SLC28A1: variants seen among roughly 807,000 people sequenced by gnomAD.
SLC28A1 encodes solute carrier family 28 member 1.
A neutral mutation model predicts 74.8 loss-of-function variants in SLC28A1; 64 were observed. The ratio of observed to expected loss-of-function variants is 0.86; its 90% CI spans 0.70 to 1.05. SLC28A1 has a LOEUF of 1.05. SLC28A1 is among the 50% of genes least tolerant of loss of function. SLC28A1 has a pLI of 0.00. For missense variants in SLC28A1, 828 were observed against 822.8 expected (o/e 1.01, Z -0.08); for synonymous variants, 359 against 335.0 (o/e 1.07, Z -0.78).
At chr15:84,900,419 A>G (rs1018597257) in intron 6 of SLC28A1, among the ~76,000 whole-genome samples, 6 of 120,104 alleles carry the variant, frequency 5.0e-5, no homozygotes, top group African/African-American at 1.6e-4. Flanking sequence ...AAAAAAAAAA[A>G]AAAAAGAAGA....
the SLC28A1 span, among the ~76,000 whole-genome samples, chr15:84,959,475 CCT>C: frequency 6.6e-6 from 1 of 151,638 alleles, no homozygotes; most frequent in South Asian, 2.1e-4. Flanking sequence ...TTCTGAAACT[CCT>C]TTTTTTTTTG....
At chr15:84,913,892 C>G (rs1448011821) in intron 9 of SLC28A1, among the ~76,000 whole-genome samples, 1 of 152,170 alleles carries the variant, frequency 6.6e-6, no homozygotes, top group Non-Finnish European at 1.5e-5. Flanking sequence ...CCTACTTGGT[C>G]GTCTGTGTCC....
At chr15:84,962,440 T>C in the SLC28A1 span, among the ~76,000 whole-genome samples, 10 of 152,198 alleles carry the variant, frequency 6.6e-5, no homozygotes, top group Middle Eastern at 3.4e-3. Context: ...GGTGGGCCTA[T>C]GATTTTTTGT....
In SLC28A1 at chr15:84,886,158, A is replaced by G. The variant is rs1964578816; in HGVS notation, c.-132-514A>G. ...GTATTCATTTAACAAAGATGAAATG[A>G]AGGGGAAATGGTGTGATTTGGTTTT... is the stretch of plus-strand genomic sequence containing the variant. On this transcript the variant is annotated intron_variant, in intron 1 of 18. Coordinates refer to ENST00000394573, the MANE Select transcript of SLC28A1 (RefSeq NM_004213.5). The G allele has an allele frequency of 5.1e-6, 5 of 985,410 alleles. No individual in the cohort carries two copies. The South Asian group carries it at 2.3e-4, about 46-fold the overall frequency. The allele number at this position is 985,410 out of a possible 1,614,324, so 61.0% of individuals were successfully genotyped here.
chr15:84,908,832 C>A, intron 9 of SLC28A1, 37 bp downstream of exon 9: 1 of 1,554,034 alleles, frequency 6.4e-7, no homozygotes, highest in Non-Finnish European at 8.9e-7. Flanking sequence ...CCTTTAGCAG[C>A]CACCGCCCAG....
At chr15:84,904,061 T>C in intron 6 of SLC28A1, 36 bp from the exon 7 acceptor site, 1 of 1,614,006 alleles carries the variant, frequency 6.2e-7, no homozygotes, top group Non-Finnish European at 8.5e-7. Flanking sequence ...GGGGGTGCAA[T>C]GCTGAGGGTA....
At chr15:84,944,508 A>G in intron 16 of SLC28A1, 58 bp from the exon 17 acceptor site, 1 of 1,203,166 alleles carries the variant, frequency 8.3e-7, no homozygotes, top group Non-Finnish European at 1.2e-6. Context: ...CGAGCTGCGG[A>G]ACGCGGGCAG....
the SLC28A1 span, among the ~76,000 whole-genome samples, chr15:84,950,829 TGTTGAC>T: frequency 6.6e-6 from 1 of 152,190 alleles, no homozygotes. Context: ...AAGAGGGTTC[TGTTGAC>T]TTTTTCTTAA....
At chr15:84,967,375 G>A in the SLC28A1 span, among the ~76,000 whole-genome samples, 4 of 152,136 alleles carry the variant, frequency 2.6e-5, no homozygotes, top group African/African-American at 4.8e-5. Flanking sequence ...TCCTGCTCTC[G>A]CTTCTTTTAG....
At chr15:84,887,440 T>C in intron 2 of SLC28A1, 9 of 982,370 alleles carry the variant, frequency 9.2e-6, no homozygotes, top group Non-Finnish European at 9.7e-6. Context: ...TCCCAACACT[T>C]TGGGAGGCTG....
intron 15 of SLC28A1, among the ~76,000 whole-genome samples, chr15:84,937,054 A>T (rs917527900): frequency 5.3e-4 from 1 of 1,884 alleles, no homozygotes; most frequent in Non-Finnish European, 8.4e-4. Context: ...CCCTGTCTTT[A>T]AAAAAAAAAA....
chr15:84,918,393 C>T (rs1969393957), intron 9 of SLC28A1, 131 bp from the exon 10 acceptor site: 5 of 767,038 alleles, frequency 6.5e-6, no homozygotes, highest in South Asian at 1.4e-5. Context: ...GAGCATCTTC[C>T]CGGATCCTGT....
chr15:84,939,904 A>G (rs1380001700), intron 15 of SLC28A1, among the ~76,000 whole-genome samples: 4 of 152,170 alleles, frequency 2.6e-5, no homozygotes, highest in African/African-American at 9.7e-5. Flanking sequence ...AGCTCACTGT[A>G]GCCTCTGCCT....
intron 8 of SLC28A1, 50 bp downstream of exon 8, chr15:84,905,702 A>G (rs1596258825): frequency 7.5e-7 from 1 of 1,325,956 alleles, no homozygotes; most frequent in Non-Finnish European, 1.1e-6. Context: ...TACTGGGAGT[A>G]GGGGAGAAGC....
chr15:84,941,326 C>G (rs1406982898), intron 15 of SLC28A1, among the ~76,000 whole-genome samples: 2 of 151,820 alleles, frequency 1.3e-5, no homozygotes, highest in Non-Finnish European at 2.9e-5. Context: ...CTGCCTCAGC[C>G]TCCCAAGTAG....
intron 6 of SLC28A1, among the ~76,000 whole-genome samples, chr15:84,900,153 A>G (rs1044941146): frequency 1.3e-5 from 2 of 151,422 alleles, no homozygotes; most frequent in Non-Finnish European, 2.9e-5. Context: ...CCTGTCTCTA[A>G]TAAAAATATA....
rs1374658982 is a variant in SLC28A1, at chr15:84,917,549, T to C, written c.796-975T>C. On this transcript the variant is annotated intron_variant, in intron 9 of 18. Coordinates refer to ENST00000394573, the MANE Select transcript of SLC28A1 (RefSeq NM_004213.5). ...TCAGCCTCCTGAGTAGCTGGGACTA[T>C]AGACATGTGCCATCATGCATGGCTA... is the stretch of plus-strand genomic sequence containing the variant. Among the ~76,000 whole-genome samples, 22 of 151,380 alleles carry C rather than the reference T, an allele frequency of 1.5e-4. 1 individual carries two copies. Among genetic ancestry groups the C allele is most frequent in the Non-Finnish European group, 3.2e-4 (22 of 68,024 alleles).
At chr15:84,944,899 A>AC (rs1433113621) in intron 18 of SLC28A1, 32 bp downstream of exon 18, 4 of 1,438,518 alleles carry the variant, frequency 2.8e-6, no homozygotes, top group Non-Finnish European at 3.9e-6. Context: ...CCTGCAGGGC[A>AC]CCCACAGTGA....
chr15:84,915,961 C>A (rs796598590), intron 9 of SLC28A1, among the ~76,000 whole-genome samples: 4,688 of 151,098 alleles, frequency 0.031, 85 homozygotes, highest in African/African-American at 0.042. Flanking sequence ...TGTTCTTCTT[C>A]TTATTATTAT....
Sources: allele counts gnomAD v4.1 joint callset (sites outside exome capture counted in the v4.1 genomes callset), GRCh38; gene constraint gnomAD v4.1.1; transcripts MANE v1.5; gene names NCBI Gene and HGNC (gene_info 2026-07-23, HGNC 2026-07-21).